Variants in BCL10 observed in about 807,000 individuals in gnomAD.
BCL10 encodes the protein B-cell lymphoma/leukemia 10.
A neutral mutation model predicts 19.2 loss-of-function variants in BCL10; 5 were observed. The observed-to-expected ratio is 0.26, with a 90% CI of 0.14 to 0.55. The LOEUF is 0.55. Among genes scored for constraint, BCL10 ranks in the 20% least tolerant of loss-of-function variants. The probability of loss-of-function intolerance (pLI) is 0.94; values close to 1 mark genes in which losing one functional copy is unlikely to be tolerated. For missense variants in BCL10, 201 were observed against 271.9 expected, an observed-to-expected ratio of 0.74 and a Z score of 1.83; for synonymous variants, 110 against 98.8, an observed-to-expected ratio of 1.11 and a Z score of -0.67.
chr1:85,269,707 GGA>G (rs1660317615), intron 2 of BCL10, among the ~76,000 whole-genome samples: 1 of 152,212 alleles, frequency 6.6e-6, no homozygotes, highest in Non-Finnish European at 1.5e-5. Flanking sequence ...TATGTGCTCT[GGA>G]GAGAGACAGT....
At chr1:85,273,132 G>A (rs1258601473) in intron 1 of BCL10, among the ~76,000 whole-genome samples, 1 of 152,126 alleles carries the variant, frequency 6.6e-6, no homozygotes, top group East Asian at 1.9e-4. Context: ...CTCTGTCCTT[G>A]TAGCACCTTG....
Position 85,270,897 on chromosome 1 carries a change from TTTC to T in BCL10, c.64_66del (p.Glu22del). On this transcript the variant is annotated inframe_deletion, in exon 2 of 3. Transcript: ENST00000648566. ...TTCTCACACAGGTATACACGTAAAT[TTTC>T]TAAGGCCTAAAAGACATAAAATATG... 1 of 1,607,232 alleles carries T rather than the reference TTTC, an allele frequency of 6.2e-7. No homozygotes were observed. The highest frequency in any genetic ancestry group is 8.5e-7 in the Non-Finnish European group (1 of 1,178,928).
chr1:85,271,576 C>A (rs561491791), intron 1 of BCL10, among the ~76,000 whole-genome samples: 6 of 152,076 alleles, frequency 3.9e-5, no homozygotes, highest in Admixed American at 1.3e-4. Context: ...TGCCTAAGAG[C>A]TTAATTAGTA....
In BCL10 at chr1:85,266,701, G is replaced by A. The variant is rs187937196; in HGVS notation, c.*926C>T. 17 of 179,622 alleles carry A rather than the reference G, an allele frequency of 9.5e-5. No homozygotes were observed. The highest frequency in any genetic ancestry group is 4.6e-4 in the East Asian group (5 of 10,910). 11.1% of individuals were successfully genotyped at this position (179,622 alleles called of 1,614,324 possible). ...AGCCTGGCCAACATGGCAAAACACC[G>A]TCTCTACAAAAATAATACAAAAATT... is the stretch of plus-strand genomic sequence containing the variant. On this transcript the variant is annotated 3_prime_UTR_variant, in exon 3 of 3. Transcript: ENST00000648566.
At position 85,267,448 on chromosome 1, in the gene BCL10, A is replaced by G; in HGVS notation, c.*179T>C. On this transcript the variant is annotated 3_prime_UTR_variant, in exon 3 of 3. Transcript: ENST00000648566. ...AAAGTACATGATCAACATGATTTAC[A>G]GTTAGCTATCCTAGAAGTATGCTTT... is the stretch of plus-strand genomic sequence containing the variant. 1.9e-6 allele frequency: 1 copy of G among 523,564 alleles called. No individual in the cohort carries two copies. Among genetic ancestry groups the G allele is most frequent in the Non-Finnish European group, 3.3e-6 (1 of 305,782 alleles). 32.4% of individuals were successfully genotyped at this position (523,564 alleles called of 1,614,324 possible).
chr1:85,274,075 T>C (rs1335698369), intron 1 of BCL10, among the ~76,000 whole-genome samples: 1 of 152,218 alleles, frequency 6.6e-6, no homozygotes, highest in Non-Finnish European at 1.5e-5. Context: ...CTGTCAAATC[T>C]TTCAGGAATC....
rs150127718 is a variant in BCL10, at chr1:85,275,685, C to A, written c.57+611G>T. Among the ~76,000 whole-genome samples the A allele has an allele frequency of 5.7e-3, 873 of 152,314 alleles. 11 individuals are homozygous for A. Among genetic ancestry groups the A allele is most frequent in the African/African-American group, 0.02 (839 of 41,566 alleles). ...GAAGGTTTATGTGGTTCTGCACCAT[C>A]CGAGAAGAGCATAATTTAGCTACTG... is the stretch of plus-strand genomic sequence containing the variant. On this transcript the variant is annotated intron_variant, in intron 1 of 2. Coordinates refer to ENST00000648566, the MANE Select transcript of BCL10 (RefSeq NM_003921.5).
intron 1 of BCL10, among the ~76,000 whole-genome samples, chr1:85,272,915 C>T (rs181197887): frequency 2.6e-5 from 4 of 152,278 alleles, no homozygotes; most frequent in African/African-American, 9.6e-5. Context: ...TGGCTCCTAC[C>T]TACCTCTCCA....
chr1:85,275,349 T>C (rs1660489319), intron 1 of BCL10, among the ~76,000 whole-genome samples: 2 of 152,228 alleles, frequency 1.3e-5, no homozygotes, highest in African/African-American at 4.8e-5. Context: ...CTCCCAGTCA[T>C]ATCCAGTTTC....
At chr1:85,273,361 A>C (rs987372730) in intron 1 of BCL10, among the ~76,000 whole-genome samples, 1 of 151,686 alleles carries the variant, frequency 6.6e-6, no homozygotes, top group Non-Finnish European at 1.5e-5. Context: ...TGAATACCAC[A>C]CTCTCCTGGT....
At chr1:85,270,993 G>A in intron 1 of BCL10, 87 bp from the exon 2 acceptor site, 1 of 1,327,532 alleles carries the variant, frequency 7.5e-7, no homozygotes, top group Non-Finnish European at 1.0e-6. Flanking sequence ...CTTAGCTGGT[G>A]TGAGACAATG....
chr1:85,275,832 G>A (rs916311010), intron 1 of BCL10, among the ~76,000 whole-genome samples: 6 of 152,190 alleles, frequency 3.9e-5, no homozygotes, highest in African/African-American at 1.4e-4. Flanking sequence ...TTCAGCTGTT[G>A]AGCTTCCTCA....
chr1:85,276,501 A>C lies in BCL10; in HGVS notation c.-149T>G. 1.2e-6 allele frequency: 1 copy of C among 836,390 alleles called. No homozygotes were observed. The highest frequency in any genetic ancestry group is 1.9e-6 in the Non-Finnish European group (1 of 528,448). The allele number at this position is 836,390 out of a possible 1,614,324, so 51.8% of individuals were successfully genotyped here. A position where few individuals can be genotyped will look rare whatever the true frequency, so the allele number is the denominator to read the frequency against. On this transcript the variant is annotated 5_prime_UTR_variant, in exon 1 of 3. Transcript: ENST00000648566. ...GAAAGACGGCCGCCCCTTCGGGAAC[A>C]GAGGGACTCGGGGGTCAAACCGTAG...
intron 1 of BCL10, among the ~76,000 whole-genome samples, chr1:85,274,862 A>G (rs1660472590): frequency 6.6e-6 from 1 of 152,234 alleles, no homozygotes; most frequent in Non-Finnish European, 1.5e-5. Context: ...GGTTTCCTCA[A>G]GGTTATTTAT....
At position 85,267,878 on chromosome 1, in the gene BCL10, T is replaced by C; in HGVS notation, c.451A>G (p.Thr151Ala). 3 of 1,613,786 alleles carry C rather than the reference T, an allele frequency of 1.9e-6. No individual in the cohort carries two copies. The highest frequency in any genetic ancestry group is 2.5e-6 in the Non-Finnish European group (3 of 1,179,878). ...SNFSEKLRAS[T>A]VMYHPEGESS... ...TCTCCTTCTGGATGGTACATGACAG[T>C]GGATGCCCTCAGTTTTTCAGAGAAA... is the stretch of plus-strand genomic sequence containing the variant. Residue 151 changes from threonine (T) to alanine (A), a missense_variant, in exon 3 of 3, where the codon ACT (threonine) becomes GCT (alanine). Around this residue, in one of 3 missense-constraint regions of BCL10, gnomAD observed 126 missense variants for 136.6 expected, o/e 0.92. Coordinates refer to ENST00000648566, the MANE Select transcript of BCL10 (RefSeq NM_003921.5).
In BCL10 at chr1:85,270,612, T is replaced by C. The variant is rs112473614; in HGVS notation, c.346+6A>G. 2.6e-4 allele frequency: 417 copies of C among 1,588,398 alleles called. 3 individuals are homozygous for C. The African/African-American group carries it at 4.9e-3, about 19-fold the overall frequency. The stretch of plus-strand genomic sequence containing the variant: ...AATTAGCTCTTAGATAATTAAGATA[T>C]CTTACCTTTCAGATGTTCTAGTTTT... On this transcript the variant is annotated splice_donor_region_variant and intron_variant, in intron 2 of 2. Transcript: ENST00000648566.
rs763402710 is a variant in BCL10 at position 85,270,631 on chromosome 1, T to C, written c.333A>G (p.Leu111=). The part of the protein sequence containing the change: ...DEVLKLRNIK[L]EHLKGLKCSS... Reference sequence around the variant, plus strand: ...AAGATATCTTACCTTTCAGATGTTCTAGTTTTATATTTCTAAGTTTCAGCA... The same window carrying C: ...AAGATATCTTACCTTTCAGATGTTCCAGTTTTATATTTCTAAGTTTCAGCA... Residue 111 remains leucine (L), a synonymous_variant, in exon 2 of 3, where the codon CTA becomes CTG. Coordinates refer to ENST00000648566, the MANE Select transcript of BCL10 (RefSeq NM_003921.5). The C allele has an allele frequency of 6.9e-6, 11 of 1,599,330 alleles. No homozygotes were observed. The highest frequency in any genetic ancestry group is 9.4e-6 in the Non-Finnish European group (11 of 1,174,870).
At chr1:85,275,366 C>T (rs537119060) in intron 1 of BCL10, among the ~76,000 whole-genome samples, 2 of 152,306 alleles carry the variant, frequency 1.3e-5, no homozygotes, top group African/African-American at 4.8e-5. Context: ...TTTCCTTCTG[C>T]TGGTGAGTCA....
chr1:85,270,640 A>G lies in BCL10; in HGVS notation c.324T>C (p.Asn108=), dbSNP rs1660345157. 6.2e-7 allele frequency: 1 copy of G among 1,602,586 alleles called. No individual in the cohort carries two copies. The highest frequency in any genetic ancestry group is 8.5e-7 in the Non-Finnish European group (1 of 1,176,494). The part of the protein sequence containing the change: ...KITDEVLKLR[N]IKLEHLKGLK... ...TACCTTTCAGATGTTCTAGTTTTAT[A>G]TTTCTAAGTTTCAGCACTTCATCTG... The change falls in exon 2 of 3, where the codon AAT becomes AAC. Residue 108 remains asparagine (N), a synonymous_variant. Transcript: ENST00000648566.
Sources: gnomAD v4.1 joint callset for allele counts (sites outside exome capture counted in the v4.1 genomes callset) on GRCh38, gnomAD v4.1.1 for gene constraint, gnomAD v4.1.1 regional missense constraint, MANE v1.5 for transcripts, NCBI Gene and HGNC (gene_info 2026-07-23, HGNC 2026-07-21) for gene names.